MAGI2: variants seen among roughly 807,000 people sequenced by gnomAD.
MAGI2 encodes membrane-associated guanylate kinase, WW and PDZ domain-containing protein 2.
In MAGI2, 35 loss-of-function variants were observed where a neutral mutation model predicts 133.3. That is an observed-to-expected ratio of 0.26 (90% CI 0.20 to 0.35). The LOEUF (loss-of-function observed/expected upper bound fraction) is 0.35. Ranked by LOEUF, MAGI2 falls within the 10% of genes least tolerant of loss-of-function variation. MAGI2 has a pLI of 1.00. For synonymous variants in MAGI2, 729 were observed against 710.6 expected (o/e 1.03, Z -0.41); for missense variants, 1,636 against 1,863.4 (o/e 0.88, Z 2.25).
chr7:78,429,650 G>A (rs1023353345), intron 6 of MAGI2, among the ~76,000 whole-genome samples: 7 of 151,712 alleles, frequency 4.6e-5, no homozygotes, highest in South Asian at 4.2e-4. Context: ...TATTCAAGAC[G>A]TTTTTTCGAA....
chr7:79,415,780 A>G (rs568418832), intron 1 of MAGI2: 5 of 152,138 alleles, frequency 3.3e-5, no homozygotes, highest in Non-Finnish European at 5.9e-5. Context: ...CTCCCTCACC[A>G]TTGGGTCTGA....
intron 1 of MAGI2, among the ~76,000 whole-genome samples, chr7:79,381,936 G>A (rs898848418): frequency 2.0e-5 from 3 of 151,582 alleles, no homozygotes; most frequent in Non-Finnish European, 4.4e-5. Flanking sequence ...CATAATATTT[G>A]TCTGAGCTCC....
chr7:78,846,936 A>G (rs1792667929), intron 2 of MAGI2, among the ~76,000 whole-genome samples: 2 of 151,878 alleles, frequency 1.3e-5, no homozygotes, highest in South Asian at 4.1e-4. Flanking sequence ...AGCCTGGAAA[A>G]GCTCCCCAGG....
intron 1 of MAGI2, among the ~76,000 whole-genome samples, chr7:79,347,133 G>C (rs561133935): frequency 2.0e-5 from 3 of 151,970 alleles, no homozygotes; most frequent in Non-Finnish European, 4.4e-5. Flanking sequence ...AACATGGCTT[G>C]AACAATGTTT....
intron 2 of MAGI2, among the ~76,000 whole-genome samples, chr7:78,791,965 CT>C (rs562486259): frequency 6.6e-6 from 1 of 152,228 alleles, no homozygotes; most frequent in African/African-American, 2.4e-5. Flanking sequence ...AGAAAATGAT[CT>C]TTATTTTTAA....
chr7:79,112,311 C>G (rs983137063), intron 1 of MAGI2, among the ~76,000 whole-genome samples: 3 of 152,068 alleles, frequency 2.0e-5, no homozygotes, highest in African/African-American at 7.2e-5. Flanking sequence ...ATATATTCAA[C>G]CAAGTGAAAG....
chr7:79,047,120 T>C (rs1408476315), intron 1 of MAGI2, among the ~76,000 whole-genome samples: 1 of 152,148 alleles, frequency 6.6e-6, no homozygotes, highest in East Asian at 1.9e-4. Flanking sequence ...GCTATTTTAT[T>C]ACTGACTTTA....
chr7:78,986,489 C>CT (rs199513921), intron 2 of MAGI2, among the ~76,000 whole-genome samples: 38 of 151,206 alleles, frequency 2.5e-4, no homozygotes, highest in East Asian at 1.4e-3. Context: ...TCAAACCGGT[C>CT]TTTTTTTTTC....
chr7:78,186,602 G>T (rs1827721118), intron 12 of MAGI2, among the ~76,000 whole-genome samples: 1 of 152,054 alleles, frequency 6.6e-6, no homozygotes, highest in Non-Finnish European at 1.5e-5. Flanking sequence ...TATCATAGAG[G>T]CATTAATAGA....
chr7:78,784,080 C>G (rs1826613306), intron 2 of MAGI2, among the ~76,000 whole-genome samples: 3 of 152,134 alleles, frequency 2.0e-5, no homozygotes, highest in African/African-American at 4.8e-5. Flanking sequence ...AAGATGTTAT[C>G]TCATCTGATC....
intron 1 of MAGI2, among the ~76,000 whole-genome samples, chr7:79,294,177 CAAAAAAAAAAA>C (rs61385536): frequency 1.5e-5 from 1 of 65,398 alleles, no homozygotes; most frequent in African/African-American, 5.3e-5. Flanking sequence ...GACTCCGTCT[CAAAAAAAAAAA>C]AAAAAAAGGA....
intron 1 of MAGI2, among the ~76,000 whole-genome samples, chr7:79,258,084 T>C (rs918533792): frequency 2.0e-5 from 3 of 152,216 alleles, no homozygotes; most frequent in Non-Finnish European, 4.4e-5. Context: ...TGATTGGTTT[T>C]GTCCATATTG....
intron 2 of MAGI2, among the ~76,000 whole-genome samples, chr7:78,964,239 A>G (rs77927224): frequency 0.026 from 4,017 of 151,874 alleles, 177 homozygotes; most frequent in African/African-American, 0.091. Context: ...CTAACATTAT[A>G]GTTTGAATTT....
chr7:78,835,658 A>G (rs1791557393), intron 2 of MAGI2, among the ~76,000 whole-genome samples: 1 of 152,100 alleles, frequency 6.6e-6, no homozygotes, highest in Non-Finnish European at 1.5e-5. Flanking sequence ...GAAGGAGAAA[A>G]TGGACAGGGT....
At chr7:78,475,078 A>G (rs1173775458) in intron 6 of MAGI2, among the ~76,000 whole-genome samples, 1 of 151,952 alleles carries the variant, frequency 6.6e-6, no homozygotes, top group Non-Finnish European at 1.5e-5. Flanking sequence ...TATTCTATCA[A>G]CATACCAAGT....
At chr7:78,128,904 T>C (rs1432425501) in intron 18 of MAGI2, among the ~76,000 whole-genome samples, 1 of 152,224 alleles carries the variant, frequency 6.6e-6, no homozygotes, top group Non-Finnish European at 1.5e-5. Flanking sequence ...AATAGAATTA[T>C]TTAAAATATA....
intron 1 of MAGI2, among the ~76,000 whole-genome samples, chr7:79,206,100 G>A (rs1829031866): frequency 6.6e-6 from 1 of 151,246 alleles, no homozygotes; most frequent in African/African-American, 2.4e-5. Context: ...GAAGTTTACA[G>A]CAATAAATGC....
intron 10 of MAGI2, among the ~76,000 whole-genome samples, chr7:78,202,290 A>T (rs914056154): frequency 2.0e-5 from 3 of 152,212 alleles, no homozygotes; most frequent in African/African-American, 4.8e-5. Context: ...CGGGACACAT[A>T]GTTACCTACA....
At chr7:78,211,637 G>A (rs562716619) in intron 10 of MAGI2, among the ~76,000 whole-genome samples, 1 of 152,114 alleles carries the variant, frequency 6.6e-6, no homozygotes, top group African/African-American at 2.4e-5. Context: ...TAATAGTAAT[G>A]CACTTTACAT....
Sources: gnomAD v4.1 joint callset for allele counts (sites outside exome capture counted in the v4.1 genomes callset) on GRCh38, gnomAD v4.1.1 for gene constraint, MANE v1.5 for transcripts, NCBI Gene and HGNC (gene_info 2026-07-23, HGNC 2026-07-21) for gene names.